Variants in LPP observed in about 807,000 individuals in gnomAD.
LPP encodes lipoma-preferred partner.
In LPP, 38 loss-of-function variants were observed where a neutral mutation model predicts 60.4. That is an observed-to-expected ratio of 0.63 (90% confidence interval 0.49 to 0.83). The LOEUF (loss-of-function observed/expected upper bound fraction) is 0.83. Among genes scored for constraint, LPP ranks in the 40% least tolerant of loss-of-function variants. The pLI, the probability that LPP is intolerant of heterozygous loss-of-function variation, is 0.00. For synonymous variants in LPP, 328 were observed against 290.8 expected, an observed-to-expected ratio of 1.13 and a Z score of -1.30; for missense variants, 902 against 783.6, an observed-to-expected ratio of 1.15 and a Z score of -1.80.
chr3:188,597,327 C>T (rs1469082121), intron 6 of LPP, among the ~76,000 whole-genome samples: 1 of 152,122 alleles, frequency 6.6e-6, no homozygotes, highest in Non-Finnish European at 1.5e-5. Flanking sequence ...AGCTCTTTTT[C>T]GACACTTGTC....
chr3:188,536,758 A>C (rs1436700401), intron 6 of LPP, among the ~76,000 whole-genome samples: 1 of 152,228 alleles, frequency 6.6e-6, no homozygotes, highest in Non-Finnish European at 1.5e-5. Context: ...AGAAACAATA[A>C]AGCTTGAAGC....
At chr3:188,219,178 A>G (rs1169728951) in intron 1 of LPP, among the ~76,000 whole-genome samples, 1 of 152,138 alleles carries the variant, frequency 6.6e-6, no homozygotes, top group East Asian at 1.9e-4. Flanking sequence ...CTAGCTGTAT[A>G]CATATTATCG....
At chr3:188,366,965 C>T (rs749310784) in intron 3 of LPP, among the ~76,000 whole-genome samples, 10 of 151,410 alleles carry the variant, frequency 6.6e-5, no homozygotes, top group Admixed American at 1.3e-4. Flanking sequence ...GGTGCGATCT[C>T]GCCTCACTGC....
At chr3:188,296,648 G>A (rs1327064254) in intron 2 of LPP, among the ~76,000 whole-genome samples, 2 of 152,186 alleles carry the variant, frequency 1.3e-5, no homozygotes, top group Non-Finnish European at 2.9e-5. Flanking sequence ...GAGGCAGATG[G>A]CAATAATGTC....
At chr3:188,308,363 A>C (rs558019004) in intron 2 of LPP, among the ~76,000 whole-genome samples, 23 of 152,230 alleles carry the variant, frequency 1.5e-4, no homozygotes, top group Non-Finnish European at 3.1e-4. Flanking sequence ...CCACTTAAGC[A>C]AGTAAATGGG....
chr3:188,202,355 C>T (rs763636228), intron 1 of LPP, among the ~76,000 whole-genome samples: 3 of 152,078 alleles, frequency 2.0e-5, no homozygotes. Context: ...GGCACAGTGG[C>T]GTGCCACACA....
chr3:188,669,587 A>C (rs1170259430), intron 7 of LPP, among the ~76,000 whole-genome samples: 1 of 152,120 alleles, frequency 6.6e-6, no homozygotes, highest in East Asian at 1.9e-4. Context: ...AAAAAATAAA[A>C]AATAAAAGTC....
chr3:188,351,892 T>A (rs1765956891), intron 3 of LPP, among the ~76,000 whole-genome samples: 1 of 152,222 alleles, frequency 6.6e-6, no homozygotes, highest in African/African-American at 2.4e-5. Context: ...TGAGCTCTTC[T>A]ACTCTCCTTT....
chr3:188,747,558 C>A (rs1381649618), intron 8 of LPP, among the ~76,000 whole-genome samples: 4 of 152,188 alleles, frequency 2.6e-5, no homozygotes, highest in African/African-American at 9.6e-5. Flanking sequence ...AAATTGACAC[C>A]ATTTTTATCC....
At chr3:188,558,874 G>A (rs76906217) in intron 6 of LPP, among the ~76,000 whole-genome samples, 2,006 of 152,192 alleles carry the variant, frequency 0.013, 44 homozygotes, top group African/African-American at 0.046. Context: ...AAATGTGTAT[G>A]ACTCAGCTTT....
chr3:188,454,053 T>C (rs1445024373), intron 4 of LPP, among the ~76,000 whole-genome samples: 1 of 152,248 alleles, frequency 6.6e-6, no homozygotes, highest in Non-Finnish European at 1.5e-5. Flanking sequence ...GTGTGACATA[T>C]TTTGCATTTA....
intron 8 of LPP, chr3:188,711,251 C>T (rs1471852572): frequency 6.6e-6 from 1 of 152,144 alleles, no homozygotes; most frequent in Non-Finnish European, 1.5e-5. Context: ...TTATTGAGTG[C>T]TTATGATATG....
chr3:188,236,076 C>G (rs1721810741), intron 2 of LPP, among the ~76,000 whole-genome samples: 1 of 151,422 alleles, frequency 6.6e-6, no homozygotes, highest in Non-Finnish European at 1.5e-5. Flanking sequence ...GGGACTAGAA[C>G]AAATGTTAAA....
At chr3:188,490,606 C>T (rs148889960) in intron 5 of LPP, among the ~76,000 whole-genome samples, 12 of 152,054 alleles carry the variant, frequency 7.9e-5, no homozygotes, top group African/African-American at 1.4e-4. Context: ...TCGGGTGATC[C>T]GCCCACCTCG....
At chr3:188,801,105 G>A (rs1448156334) in intron 9 of LPP, among the ~76,000 whole-genome samples, 1 of 152,048 alleles carries the variant, frequency 6.6e-6, no homozygotes, top group Non-Finnish European at 1.5e-5. Flanking sequence ...TGCATTTCAT[G>A]TTGGGCTTTG....
intron 4 of LPP, among the ~76,000 whole-genome samples, chr3:188,457,346 A>T (rs1342562027): frequency 6.6e-6 from 1 of 152,168 alleles, no homozygotes; most frequent in Non-Finnish European, 1.5e-5. Flanking sequence ...AATTTTCCAA[A>T]GTTTCTAGAG....
At chr3:188,280,862 T>C (rs1741740663) in intron 2 of LPP, among the ~76,000 whole-genome samples, 1 of 152,060 alleles carries the variant, frequency 6.6e-6, no homozygotes, top group African/African-American at 2.4e-5. Flanking sequence ...AGGCCAGTTG[T>C]TTAATTTTTG....
At position 188,747,027 on chromosome 3, in the gene LPP, C is replaced by T. The variant is rs549719667; in HGVS notation, c.1241-13086C>T. On this transcript the variant is annotated intron_variant, in intron 8 of 11. Coordinates refer to ENST00000617246, the MANE Select transcript of LPP (RefSeq NM_001375462.1). ...TCATAATAAAAACTGAAGACTAGGA[C>T]GGTCCTTAGAAAAACACTTGATTCG... is the stretch of plus-strand genomic sequence containing the variant. Among the ~76,000 whole-genome samples, 4 of 152,194 alleles carry T rather than the reference C, an allele frequency of 2.6e-5. No homozygotes were observed. The South Asian group carries it at 6.2e-4, about 24-fold the overall frequency.
chr3:188,652,246 A>G (rs1852243000), intron 7 of LPP, among the ~76,000 whole-genome samples: 1 of 152,212 alleles, frequency 6.6e-6, no homozygotes. Context: ...TGGAAGTAAT[A>G]GTGATCTGGA....
Sources: allele counts gnomAD v4.1 joint callset (sites outside exome capture counted in the v4.1 genomes callset), GRCh38; gene constraint gnomAD v4.1.1; transcripts MANE v1.5; gene names NCBI Gene and HGNC (gene_info 2026-07-23, HGNC 2026-07-21).